PRIMPOL: variants seen among roughly 807,000 people sequenced by gnomAD.
The protein encoded by PRIMPOL is DNA-directed primase/polymerase protein.
Under a neutral mutation model 63.6 loss-of-function variants are expected in PRIMPOL, and 54 were observed. That is an observed-to-expected ratio of 0.85 (90% CI 0.68 to 1.07). The LOEUF is 1.07. Ranked by LOEUF, PRIMPOL falls within the 50% of genes least tolerant of loss-of-function variation. The pLI is 0.00. For synonymous variants in PRIMPOL, 197 were observed against 220.2 expected, an observed-to-expected ratio of 0.89 and a Z score of 0.93; for missense variants, 610 against 648.3, an observed-to-expected ratio of 0.94 and a Z score of 0.64.
chr4:184,686,613 T>G (rs1757032739), intron 11 of PRIMPOL, among the ~76,000 whole-genome samples: 1 of 152,126 alleles, frequency 6.6e-6, no homozygotes, highest in Non-Finnish European at 1.5e-5. Context: ...AGAATAGAGA[T>G]AAATAGATAC....
chr4:184,684,332 T>C (rs1756439556), intron 9 of PRIMPOL, among the ~76,000 whole-genome samples: 1 of 152,070 alleles, frequency 6.6e-6, no homozygotes, highest in Non-Finnish European at 1.5e-5. Flanking sequence ...GTTGCACGCC[T>C]GTAATCCCAG....
chr4:184,676,853 T>TTTCCCTTCCC (rs529307828), intron 7 of PRIMPOL, among the ~76,000 whole-genome samples: 9 of 172 alleles, frequency 0.052, 3 homozygotes, highest in Non-Finnish European at 0.085. Context: ...ACCCCATTCT[T>TTTCCCTTCCC]TTCCCTTCCC....
intron 11 of PRIMPOL, 86 bp downstream of exon 11, chr4:184,685,770 AT>A: frequency 1.7e-6 from 1 of 597,438 alleles, no homozygotes; most frequent in Non-Finnish European, 2.7e-6. Flanking sequence ...TATGAAAACT[AT>A]TTTGTTTTAA....
chr4:184,657,598 A>G (rs1746822876), intron 3 of PRIMPOL: 1 of 242,372 alleles, frequency 4.1e-6, no homozygotes, highest in East Asian at 9.0e-5. Flanking sequence ...TGATATTTAA[A>G]TGAAGCTTTA....
chr4:184,675,002 C>T (rs767419811), intron 7 of PRIMPOL, among the ~76,000 whole-genome samples: 1 of 152,166 alleles, frequency 6.6e-6, no homozygotes, highest in Non-Finnish European at 1.5e-5. Flanking sequence ...TCGAGGTTTA[C>T]AATATCGCAC....
intron 6 of PRIMPOL, among the ~76,000 whole-genome samples, chr4:184,666,387 C>T (rs972787132): frequency 1.1e-4 from 17 of 152,160 alleles, no homozygotes; most frequent in African/African-American, 3.4e-4. Flanking sequence ...TGCTTGAACC[C>T]AGGAGGCAGA....
chr4:184,671,954 A>G (rs1367180903), intron 6 of PRIMPOL, among the ~76,000 whole-genome samples: 3 of 151,942 alleles, frequency 2.0e-5, no homozygotes, highest in Non-Finnish European at 4.4e-5. Flanking sequence ...GTTAACCAGG[A>G]TGGTCTCGAT....
rs748294081 is a variant in PRIMPOL, at chr4:184,678,319, A to T, written c.932A>T (p.Lys311Ile). 3.7e-6 allele frequency: 6 copies of T among 1,609,150 alleles called. No homozygotes were observed. In the Admixed American group the frequency reaches 1.0e-4, roughly 27 times the overall value. Residue 311 changes from lysine (K) to isoleucine (I), a missense_variant, in exon 8 of 14, where the codon AAA becomes ATA. This residue lies in a region of PRIMPOL where 444 missense variants were observed against 456.4 expected (regional missense o/e 0.97). Coordinates refer to ENST00000314970, the MANE Select transcript of PRIMPOL (RefSeq NM_152683.4). ...GCTTTGGAGGTTACTGAAGATAACA[A>T]ATTTTTTCCTATACAGTCAAAAGAT... is the stretch of plus-strand genomic sequence containing the variant. Reference protein sequence around the residue: ...RVALEVTEDNKFFPIQSKDVS... With the variant: ...RVALEVTEDNIFFPIQSKDVS...
intron 4 of PRIMPOL, among the ~76,000 whole-genome samples, chr4:184,660,902 C>T (rs1276718453): frequency 6.6e-6 from 1 of 152,208 alleles, no homozygotes; most frequent in Non-Finnish European, 1.5e-5. Context: ...CAAATTAAGT[C>T]AGCATCTCTC....
At chr4:184,674,439 C>T (rs1752746073) in intron 7 of PRIMPOL, among the ~76,000 whole-genome samples, 2 of 152,184 alleles carry the variant, frequency 1.3e-5, no homozygotes, top group South Asian at 2.1e-4. Context: ...GGTCCGGACC[C>T]TCCCTCTGTC....
intron 5 of PRIMPOL, among the ~76,000 whole-genome samples, chr4:184,665,354 C>G (rs1749551239): frequency 6.6e-6 from 1 of 152,252 alleles, no homozygotes; most frequent in African/African-American, 2.4e-5. Context: ...TGACTCCAGC[C>G]CCCGTGCTTG....
chr4:184,659,494 G>A (rs1245189512), intron 4 of PRIMPOL, 57 bp downstream of exon 4: 6 of 1,303,658 alleles, frequency 4.6e-6, no homozygotes, highest in Non-Finnish European at 5.6e-6. Flanking sequence ...CCTTTGCCTA[G>A]GAATTTTGGT....
chr4:184,671,765 T>C (rs139263157), intron 6 of PRIMPOL, among the ~76,000 whole-genome samples: 3,644 of 134,116 alleles, frequency 0.027, 166 homozygotes, highest in African/African-American at 0.099. Context: ...TTTGGTAAGA[T>C]GGAGTCTCAC....
chr4:184,671,064 T>A (rs1253919407), intron 6 of PRIMPOL, among the ~76,000 whole-genome samples: 1 of 152,248 alleles, frequency 6.6e-6, no homozygotes, highest in East Asian at 1.9e-4. Flanking sequence ...TTATTTGATT[T>A]CATGGTGTAA....
At chr4:184,683,658 T>C (rs989008342) in intron 9 of PRIMPOL, among the ~76,000 whole-genome samples, 1 of 152,304 alleles carries the variant, frequency 6.6e-6, no homozygotes, top group East Asian at 1.9e-4. Flanking sequence ...TTAATGGTTG[T>C]ATAGTTTTTC....
rs1428882069 is a variant in PRIMPOL, at chr4:184,694,325, T to A, written c.1426-197T>A. 6 of 1,349,486 alleles carry A rather than the reference T, an allele frequency of 4.4e-6. No homozygotes were observed. The African/African-American group carries it at 7.3e-5, about 16-fold the overall frequency. 83.6% of individuals were successfully genotyped at this position (1,349,486 alleles called of 1,614,324 possible). ...TCAAATTTGGAGTTTCAAGTGTGTC[T>A]GAGCTTCAGTGCAGCAACGTTTGAA... On this transcript the variant is annotated intron_variant, in intron 13 of 13. Coordinates refer to ENST00000314970, the MANE Select transcript of PRIMPOL (RefSeq NM_152683.4).
At chr4:184,669,007 G>A (rs1016164922) in intron 6 of PRIMPOL, among the ~76,000 whole-genome samples, 2 of 151,942 alleles carry the variant, frequency 1.3e-5, no homozygotes, top group African/African-American at 2.4e-5. Context: ...TTTCTGTAGC[G>A]CTTGGGCCTT....
intron 6 of PRIMPOL, among the ~76,000 whole-genome samples, 185 bp from the exon 7 acceptor site, chr4:184,671,988 C>T (rs953778670): frequency 6.6e-5 from 10 of 152,162 alleles, no homozygotes; most frequent in African/African-American, 9.7e-5. Context: ...GATCCGCCCG[C>T]CTCGGCCTCC....
chr4:184,667,484 G>A (rs1324545835), intron 6 of PRIMPOL, among the ~76,000 whole-genome samples: 1 of 152,168 alleles, frequency 6.6e-6, no homozygotes, highest in Non-Finnish European at 1.5e-5. Flanking sequence ...CTAAGTTTTT[G>A]TATTTTTAGT....
Sources: gnomAD v4.1 joint callset for allele counts (sites outside exome capture counted in the v4.1 genomes callset) on GRCh38, gnomAD v4.1.1 for gene constraint, gnomAD v4.1.1 regional missense constraint, MANE v1.5 for transcripts, NCBI Gene and HGNC (gene_info 2026-07-23, HGNC 2026-07-21) for gene names.